The following GPC5 variants were observed in gnomAD, a reference collection of about 807,000 sequenced individuals.
GPC5 encodes glypican-5.
GPC5 carries 47 observed loss-of-function variants against 53.9 expected under a neutral mutation model. The ratio of observed to expected loss-of-function variants is 0.87; its 90% confidence interval spans 0.69 to 1.11. GPC5 has a LOEUF of 1.11. Ranked by LOEUF, GPC5 falls within the 50% of genes most tolerant of loss-of-function variation. GPC5 has a pLI of 0.00. For missense variants in GPC5, 748 were observed against 713.1 expected (o/e 1.05, Z -0.56); for synonymous variants, 286 against 263.3 (o/e 1.09, Z -0.84).
chr13:92,418,176 G>A (rs1245821053), intron 7 of GPC5, among the ~76,000 whole-genome samples: 1 of 152,160 alleles, frequency 6.6e-6, no homozygotes, highest in Admixed American at 6.6e-5. Context: ...AAGATAATGA[G>A]TGACTGCTAA....
chr13:92,065,458 T>C (rs1226582084), intron 6 of GPC5, among the ~76,000 whole-genome samples: 1 of 152,144 alleles, frequency 6.6e-6, no homozygotes, highest in African/African-American at 2.4e-5. Context: ...ATTCCATGTT[T>C]AGCAAAGTTA....
chr13:91,970,052 T>C (rs762078108), intron 6 of GPC5, among the ~76,000 whole-genome samples: 2 of 152,092 alleles, frequency 1.3e-5, no homozygotes, highest in African/African-American at 4.8e-5. Context: ...AAAGAAAATG[T>C]GCTAGATACA....
chr13:92,319,252 C>G (rs1468592379), intron 7 of GPC5, among the ~76,000 whole-genome samples: 2 of 151,996 alleles, frequency 1.3e-5, no homozygotes, highest in African/African-American at 4.8e-5. Context: ...TTCTCACTAT[C>G]TTTTTCAAGA....
chr13:91,721,714 G>T (rs1408768816), intron 3 of GPC5, among the ~76,000 whole-genome samples: 1 of 152,072 alleles, frequency 6.6e-6, no homozygotes, highest in Non-Finnish European at 1.5e-5. Context: ...TTTTAGAGTT[G>T]TTCTCTCTGC....
chr13:92,031,703 TA>T (rs2040843901), intron 6 of GPC5, among the ~76,000 whole-genome samples: 1 of 66,724 alleles, frequency 1.5e-5, no homozygotes, highest in Admixed American at 2.5e-4. Context: ...TATAATATAT[TA>T]TATATATTAC....
chr13:92,073,925 C>G (rs569648734), intron 6 of GPC5, among the ~76,000 whole-genome samples: 2 of 152,260 alleles, frequency 1.3e-5, no homozygotes, highest in East Asian at 3.9e-4. Flanking sequence ...CTCATGAGAG[C>G]TGATGGTTTT....
intron 7 of GPC5, among the ~76,000 whole-genome samples, chr13:92,734,845 T>G (rs779096349): frequency 2.8e-4 from 43 of 152,012 alleles, no homozygotes; most frequent in Non-Finnish European, 5.5e-4. Context: ...CTTTGCAGTC[T>G]TCCTAAAAGC....
chr13:92,009,820 T>A (rs572134887), intron 6 of GPC5, among the ~76,000 whole-genome samples: 1 of 152,312 alleles, frequency 6.6e-6, no homozygotes, highest in East Asian at 1.9e-4. Context: ...TCACCTTTTT[T>A]ATTTATCTTT....
chr13:92,081,505 AT>A (rs370721487), intron 6 of GPC5, among the ~76,000 whole-genome samples: 20 of 150,492 alleles, frequency 1.3e-4, no homozygotes, highest in Middle Eastern at 3.5e-3. Context: ...GGAAGATCAG[AT>A]TTTTTTTTTA....
At chr13:92,176,515 A>G (rs1215428946) in intron 7 of GPC5, among the ~76,000 whole-genome samples, 1 of 152,212 alleles carries the variant, frequency 6.6e-6, no homozygotes, top group East Asian at 1.9e-4. Flanking sequence ...GCATCTTCTA[A>G]CAACCAATAG....
chr13:91,419,893 A>G (rs1206835237), intron 1 of GPC5, among the ~76,000 whole-genome samples: 4 of 152,212 alleles, frequency 2.6e-5, no homozygotes, highest in African/African-American at 7.2e-5. Context: ...TTTTGGATTT[A>G]TGAGTCATGG....
chr13:92,106,689 T>C (rs2041513023), intron 6 of GPC5, among the ~76,000 whole-genome samples: 1 of 152,124 alleles, frequency 6.6e-6, no homozygotes, highest in African/African-American at 2.4e-5. Context: ...TAGGTAATTG[T>C]TCATGTGTGC....
chr13:92,412,439 A>G (rs772563683), intron 7 of GPC5, among the ~76,000 whole-genome samples: 2 of 152,212 alleles, frequency 1.3e-5, no homozygotes, highest in Non-Finnish European at 1.5e-5. Flanking sequence ...GGAAACTACT[A>G]TCTGTGTACC....
chr13:92,276,016 G>A (rs1296152327), intron 7 of GPC5, among the ~76,000 whole-genome samples: 1 of 152,094 alleles, frequency 6.6e-6, no homozygotes, highest in Non-Finnish European at 1.5e-5. Flanking sequence ...TACAGGCCTA[G>A]CATAGCTTTT....
chr13:91,652,589 T>C (rs2034742711), intron 2 of GPC5, among the ~76,000 whole-genome samples: 1 of 152,160 alleles, frequency 6.6e-6, no homozygotes, highest in Non-Finnish European at 1.5e-5. Flanking sequence ...CACAAAGGGA[T>C]GATTCATGCC....
Position 92,003,332 on chromosome 13 carries a change from AAAAAAAAAAAAAG to A in GPC5, c.1401+95280_1401+95292del, listed in dbSNP as rs2040574009. Reference sequence around the variant, plus strand: ...TGAGTCTCTGTCTTAACACAAAAAAAAAAAAAAAAAAAGAAAAGAAATGTTTTAAAAAAGAAAA... The same window carrying A: ...TGAGTCTCTGTCTTAACACAAAAAAAAAAAGAAATGTTTTAAAAAAGAAAA... On this transcript the variant is annotated intron_variant, in intron 6 of 7. Transcript: ENST00000377067. Among the ~76,000 whole-genome samples, 4 of 151,532 alleles carry A rather than the reference AAAAAAAAAAAAAG, an allele frequency of 2.6e-5. No individual in the cohort carries two copies. In the South Asian group the frequency reaches 8.3e-4, roughly 31 times the overall value.
chr13:92,223,182 C>A lies in GPC5; in HGVS notation c.1561+78193C>A, dbSNP rs180681196. ...TATTAATAGCATAAACGAGTTTACA[C>A]TTGACCTCAAAGCAATTCTGTTTTA... is the stretch of plus-strand genomic sequence containing the variant. On this transcript the variant is annotated intron_variant, in intron 7 of 7. Coordinates refer to ENST00000377067, the MANE Select transcript of GPC5 (RefSeq NM_004466.6). 5.9e-5 allele frequency among the ~76,000 whole-genome samples: 9 copies of A among 152,266 alleles called. No homozygotes were observed. In the East Asian group the frequency reaches 1.5e-3, roughly 26 times the overall value.
intron 7 of GPC5, among the ~76,000 whole-genome samples, chr13:92,732,978 C>A (rs1316855013): frequency 1.2e-4 from 18 of 151,622 alleles, no homozygotes; most frequent in Non-Finnish European, 2.5e-4. Context: ...ACTGATTTTA[C>A]TTAACCTTCC....
At chr13:92,661,641 G>A (rs565319700) in intron 7 of GPC5, among the ~76,000 whole-genome samples, 4 of 152,110 alleles carry the variant, frequency 2.6e-5, no homozygotes, top group Non-Finnish European at 5.9e-5. Flanking sequence ...TCAACATTTA[G>A]AATACTATTT....
Sources: gnomAD v4.1 joint callset for allele counts (sites outside exome capture counted in the v4.1 genomes callset) on GRCh38, gnomAD v4.1.1 for gene constraint, MANE v1.5 for transcripts, NCBI Gene and HGNC (gene_info 2026-07-23, HGNC 2026-07-21) for gene names.